Variants in GABRG3 observed in about 807,000 individuals in gnomAD.
GABRG3 encodes gamma-aminobutyric acid type A receptor subunit gamma3.
A neutral mutation model predicts 48.8 loss-of-function variants in GABRG3; 25 were observed. The observed-to-expected ratio is 0.51, with a 90% CI of 0.37 to 0.72. GABRG3 has a LOEUF of 0.72. Among genes scored for constraint, GABRG3 ranks in the 30% least tolerant of loss-of-function variants. The probability of loss-of-function intolerance (pLI) is 0.00; values close to 1 mark genes in which losing one functional copy is unlikely to be tolerated. For missense variants in GABRG3, 394 were observed against 577.9 expected (o/e 0.68, Z 3.26); for synonymous variants, 227 against 217.6 (o/e 1.04, Z -0.38).
chr15:27,098,851 C>G (rs938982626), intron 3 of GABRG3, among the ~76,000 whole-genome samples: 1 of 151,898 alleles, frequency 6.6e-6, no homozygotes, highest in Non-Finnish European at 1.5e-5. Flanking sequence ...GATGGAGCTG[C>G]CCCTTTGCTC....
intron 3 of GABRG3, among the ~76,000 whole-genome samples, chr15:27,285,232 A>G (rs186711948): frequency 1.3e-5 from 2 of 150,656 alleles, no homozygotes; most frequent in Admixed American, 1.3e-4. Flanking sequence ...CATCTTCCCT[A>G]GATAAATTTG....
At chr15:27,043,095 T>C (rs773716546) in intron 3 of GABRG3, among the ~76,000 whole-genome samples, 2 of 152,200 alleles carry the variant, frequency 1.3e-5, no homozygotes, top group African/African-American at 2.4e-5. Flanking sequence ...CTGGAATCTC[T>C]TCCCCCCACC....
At chr15:27,238,064 A>G (rs1381897510) in intron 3 of GABRG3, among the ~76,000 whole-genome samples, 1 of 152,228 alleles carries the variant, frequency 6.6e-6, no homozygotes, top group Admixed American at 6.5e-5. Flanking sequence ...TGAAGCGTTT[A>G]GTCGTTCATA....
At chr15:27,093,448 G>A (rs930533561) in intron 3 of GABRG3, among the ~76,000 whole-genome samples, 11 of 152,172 alleles carry the variant, frequency 7.2e-5, no homozygotes, top group African/African-American at 1.2e-4. Context: ...CGTAAGTACT[G>A]TTTGTTATGA....
At chr15:27,143,095 ACAGT>A (rs1457352400) in intron 3 of GABRG3, among the ~76,000 whole-genome samples, 1 of 152,134 alleles carries the variant, frequency 6.6e-6, no homozygotes, top group African/African-American at 2.4e-5. Context: ...TATTTATTTT[ACAGT>A]CAGTGTCTCA....
At chr15:27,265,900 G>A (rs1002184717) in intron 3 of GABRG3, among the ~76,000 whole-genome samples, 4 of 35,204 alleles carry the variant, frequency 1.1e-4, no homozygotes, top group East Asian at 3.4e-4. Context: ...TTTTTTTTGA[G>A]AGTGACCTTC....
At position 27,169,551 on chromosome 15, in the gene GABRG3, G is replaced by C. The variant is rs147397482; in HGVS notation, c.270+142730G>C. ...GGGGAGGCCGTGGTGATGGGGATGT[G>C]ATCAAAACTGTGCTGCCGACATTTC... On this transcript the variant is annotated intron_variant, in intron 3 of 9. Coordinates refer to ENST00000615808, the MANE Select transcript of GABRG3 (RefSeq NM_033223.5). Among the ~76,000 whole-genome samples the C allele has an allele frequency of 7.9e-3, 1,205 of 152,186 alleles. 9 individuals carry two copies. The highest frequency in any genetic ancestry group is 0.017 in the Middle Eastern group (5 of 294).
chr15:27,326,750 A>C, intron 3 of GABRG3, 59 bp from the exon 4 acceptor site: 1 of 1,389,202 alleles, frequency 7.2e-7, no homozygotes, highest in Non-Finnish European at 1.0e-6. Flanking sequence ...CAAAGAGAAC[A>C]AATTATACAG....
At chr15:27,157,919 C>G (rs2140401266) in intron 3 of GABRG3, 1 of 152,324 alleles carries the variant, frequency 6.6e-6, no homozygotes, top group Non-Finnish European at 1.5e-5. Context: ...GTCATTCATA[C>G]TCCATGGAAT....
At chr15:27,315,924 A>G (rs1182272885) in intron 3 of GABRG3, among the ~76,000 whole-genome samples, 1 of 152,158 alleles carries the variant, frequency 6.6e-6, no homozygotes, top group East Asian at 1.9e-4. Flanking sequence ...TGGTCTTTGT[A>G]GATGCAGCAT....
At chr15:27,429,069 A>G (rs143153453) in intron 5 of GABRG3, among the ~76,000 whole-genome samples, 42 of 152,376 alleles carry the variant, frequency 2.8e-4, no homozygotes, top group African/African-American at 1.0e-3. Context: ...TTTGCAATCT[A>G]GAATGACAGA....
At chr15:27,338,981 G>A (rs555012014) in intron 5 of GABRG3, among the ~76,000 whole-genome samples, 105 of 152,194 alleles carry the variant, frequency 6.9e-4, no homozygotes, top group Non-Finnish European at 1.3e-3. Context: ...TACTGCCTAA[G>A]TGCACTAATG....
At chr15:27,220,010 A>G (rs946700875) in intron 3 of GABRG3, among the ~76,000 whole-genome samples, 5 of 152,148 alleles carry the variant, frequency 3.3e-5, no homozygotes, top group Admixed American at 6.5e-5. Flanking sequence ...CAGCATGCAG[A>G]CAAGACCAAA....
In GABRG3 at chr15:27,057,367, A is replaced by G. The variant is rs77061744; in HGVS notation, c.270+30546A>G. Among the ~76,000 whole-genome samples the G allele has an allele frequency of 0.011, 1,683 of 152,324 alleles. 99 individuals carry two copies. In the East Asian group the frequency reaches 0.17, roughly 15 times the overall value. On this transcript the variant is annotated intron_variant, in intron 3 of 9. Transcript: ENST00000615808. ...AGTTTCAGTAGAGAATGTTTTCTGA[A>G]ACCAGCTTACAGGAAGGCATCAACA...
chr15:27,199,961 TTC>T (rs963160293), intron 3 of GABRG3, among the ~76,000 whole-genome samples: 7 of 151,484 alleles, frequency 4.6e-5, no homozygotes, highest in African/African-American at 9.7e-5. Context: ...CCTGTCATCA[TTC>T]TCTCTTTCCC....
intron 3 of GABRG3, among the ~76,000 whole-genome samples, chr15:27,268,528 A>G (rs1890988671): frequency 6.6e-6 from 1 of 151,734 alleles, no homozygotes; most frequent in Non-Finnish European, 1.5e-5. Context: ...TTTTACTCTG[A>G]TTTTTATATT....
At chr15:27,423,234 C>A (rs989325831) in intron 5 of GABRG3, among the ~76,000 whole-genome samples, 13 of 85,516 alleles carry the variant, frequency 1.5e-4, no homozygotes, top group East Asian at 6.6e-4. Flanking sequence ...AAAAAAAAGT[C>A]ATTATGATAA....
intron 5 of GABRG3, among the ~76,000 whole-genome samples, chr15:27,374,138 C>CTTTTTTT (rs201839822): frequency 4.6e-4 from 42 of 91,616 alleles, no homozygotes; most frequent in East Asian, 6.5e-4. Flanking sequence ...TTCTTTTCTT[C>CTTTTTTT]TTTTTTTTTT....
rs1889023952 is a variant in GABRG3 at position 27,210,128 on chromosome 15, T to C, written c.271-116681T>C. Among the ~76,000 whole-genome samples, 5 of 152,300 alleles carry C rather than the reference T, an allele frequency of 3.3e-5. No individual in the cohort carries two copies. In the South Asian group the frequency reaches 1.0e-3, roughly 32 times the overall value. On this transcript the variant is annotated intron_variant, in intron 3 of 9. Coordinates refer to ENST00000615808, the MANE Select transcript of GABRG3 (RefSeq NM_033223.5). Reference sequence around the variant, plus strand: ...ACTATGGGATGTTGAAGCAGGATGCTGAAAGCTTCCAAAGGAGGTGGCCTT... The same window carrying C: ...ACTATGGGATGTTGAAGCAGGATGCCGAAAGCTTCCAAAGGAGGTGGCCTT...
Sources: allele counts gnomAD v4.1 joint callset (sites outside exome capture counted in the v4.1 genomes callset), GRCh38; gene constraint gnomAD v4.1.1; transcripts MANE v1.5; gene names NCBI Gene and HGNC (gene_info 2026-07-23, HGNC 2026-07-21).